The following HPSE2 variants were observed in gnomAD, a reference collection of about 807,000 sequenced individuals.
The protein encoded by HPSE2 is inactive heparanase-2.
A neutral mutation model predicts 60.5 loss-of-function variants in HPSE2; 38 were observed. The observed-to-expected ratio is 0.63, with a 90% CI of 0.48 to 0.82. The LOEUF (loss-of-function observed/expected upper bound fraction) is 0.82, where lower values mean the gene tolerates loss of function less well. Ranked by LOEUF, HPSE2 falls within the 40% of genes least tolerant of loss-of-function variation. The pLI is 0.00. For missense variants in HPSE2, 713 were observed against 740.4 expected, an observed-to-expected ratio of 0.96 and a Z score of 0.43; for synonymous variants, 295 against 293.2, an observed-to-expected ratio of 1.01 and a Z score of -0.06.
At chr10:99,025,186 GGT>G (rs756695803) in intron 3 of HPSE2, among the ~76,000 whole-genome samples, 4 of 152,094 alleles carry the variant, frequency 2.6e-5, no homozygotes, top group Non-Finnish European at 4.4e-5. Context: ...ATGAAGTTAA[GGT>G]GTAGAGTTTT....
At chr10:98,987,074 G>A (rs980612469) in intron 3 of HPSE2, among the ~76,000 whole-genome samples, 16 of 151,844 alleles carry the variant, frequency 1.1e-4, no homozygotes, top group East Asian at 1.9e-4. Context: ...ACAAGGAGGA[G>A]CTGGTACCAT....
intron 4 of HPSE2, among the ~76,000 whole-genome samples, chr10:98,729,208 A>C (rs1472131182): frequency 6.6e-6 from 1 of 152,220 alleles, no homozygotes; most frequent in Non-Finnish European, 1.5e-5. Flanking sequence ...TAAATACTCC[A>C]ATTAAAAGCA....
intron 2 of HPSE2, among the ~76,000 whole-genome samples, chr10:99,216,499 T>C (rs1849134831): frequency 6.6e-6 from 1 of 151,976 alleles, no homozygotes; most frequent in Non-Finnish European, 1.5e-5. Context: ...CGGCCTAACC[T>C]AGACTCTTAT....
intron 3 of HPSE2, among the ~76,000 whole-genome samples, chr10:98,781,120 T>G (rs1198321011): frequency 6.6e-6 from 1 of 152,034 alleles, no homozygotes; most frequent in East Asian, 1.9e-4. Flanking sequence ...ATATCAGACT[T>G]ATTCTGAACA....
chr10:98,765,116 A>G (rs1950091817), intron 3 of HPSE2, among the ~76,000 whole-genome samples: 1 of 152,220 alleles, frequency 6.6e-6, no homozygotes, highest in Admixed American at 6.5e-5. Context: ...CTCAGTAATC[A>G]ATAGAACAAG....
At chr10:98,677,675 GC>G (rs927445437) in intron 6 of HPSE2, among the ~76,000 whole-genome samples, 1 of 152,118 alleles carries the variant, frequency 6.6e-6, no homozygotes. Context: ...TTCTGACCAG[GC>G]CTATTTGACT....
Position 98,588,420 on chromosome 10 carries a change from T to G in HPSE2, c.1320+26484A>C, listed in dbSNP as rs558482823. 2.6e-5 allele frequency among the ~76,000 whole-genome samples: 4 copies of G among 152,178 alleles called. No individual in the cohort carries two copies. The East Asian group carries it at 7.7e-4, about 29-fold the overall frequency. The stretch of plus-strand genomic sequence containing the variant: ...GAGCTGCGGGGAGACTTTACCAACC[T>G]AGGGCAGCTACAGTGGCACAGAAAC... On this transcript the variant is annotated intron_variant, in intron 9 of 11. Transcript: ENST00000370552.
At chr10:98,662,851 C>T (rs1055272357) in intron 6 of HPSE2, among the ~76,000 whole-genome samples, 14 of 151,996 alleles carry the variant, frequency 9.2e-5, no homozygotes, top group African/African-American at 3.4e-4. Flanking sequence ...CAGTATAGCT[C>T]AAAAAATACT....
intron 7 of HPSE2, among the ~76,000 whole-genome samples, chr10:98,636,058 T>A (rs1406140026): frequency 2.0e-5 from 3 of 152,094 alleles, no homozygotes; most frequent in Non-Finnish European, 2.9e-5. Context: ...AAGAGGCTGG[T>A]GAACAAATCC....
chr10:98,896,111 A>C (rs988249598), intron 3 of HPSE2, among the ~76,000 whole-genome samples: 2 of 151,948 alleles, frequency 1.3e-5, no homozygotes, highest in Admixed American at 6.6e-5. Flanking sequence ...GAAAAAAAAA[A>C]CCTCATCTAT....
intron 2 of HPSE2, among the ~76,000 whole-genome samples, chr10:99,187,327 G>T (rs1848065340): frequency 6.6e-6 from 1 of 152,014 alleles, no homozygotes; most frequent in Admixed American, 6.6e-5. Context: ...TTTGAAAGAA[G>T]ACTGGTTATT....
At chr10:98,965,462 A>G (rs557400810) in intron 3 of HPSE2, among the ~76,000 whole-genome samples, 6 of 151,948 alleles carry the variant, frequency 3.9e-5, no homozygotes, top group Non-Finnish European at 8.8e-5. Context: ...ACTGACATGC[A>G]TGACACATGG....
At chr10:99,286,693 A>G in the HPSE2 span, among the ~76,000 whole-genome samples, 5 of 152,208 alleles carry the variant, frequency 3.3e-5, no homozygotes, top group African/African-American at 7.2e-5. Flanking sequence ...TCTGTTATGT[A>G]TATTTCATCA....
At chr10:98,589,278 G>A (rs982820826) in intron 9 of HPSE2, among the ~76,000 whole-genome samples, 1 of 152,232 alleles carries the variant, frequency 6.6e-6, no homozygotes, top group Non-Finnish European at 1.5e-5. Context: ...ACTGTTGTCT[G>A]TGAGGTGCAT....
the HPSE2 span, among the ~76,000 whole-genome samples, chr10:99,304,141 T>A: frequency 6.6e-6 from 1 of 152,064 alleles, no homozygotes; most frequent in African/African-American, 2.4e-5. Context: ...GCTCCAGAGG[T>A]GAGACTTAGA....
chr10:98,914,390 G>A (rs1954061971), intron 3 of HPSE2, among the ~76,000 whole-genome samples: 1 of 151,968 alleles, frequency 6.6e-6, no homozygotes, highest in South Asian at 2.1e-4. Context: ...TTTATTAGCA[G>A]TGTGAAAATG....
At chr10:98,617,466 G>T (rs1945944231) in intron 8 of HPSE2, among the ~76,000 whole-genome samples, 1 of 152,126 alleles carries the variant, frequency 6.6e-6, no homozygotes, top group Admixed American at 6.5e-5. Context: ...TGTATAGGAA[G>T]ATATTTAAGA....
intron 3 of HPSE2, among the ~76,000 whole-genome samples, chr10:98,805,108 A>G (rs1197053004): frequency 6.6e-6 from 1 of 152,104 alleles, no homozygotes; most frequent in African/African-American, 2.4e-5. Context: ...TGGAGATAAG[A>G]GAGTAGAAGG....
intron 3 of HPSE2, among the ~76,000 whole-genome samples, chr10:98,996,165 A>G (rs2862502): frequency 0.49 from 74,065 of 152,052 alleles, 20,248 homozygotes; most frequent in East Asian, 0.62. Flanking sequence ...ATTATAATTT[A>G]TTTTGACCAA....
Sources: allele counts gnomAD v4.1 joint callset (sites outside exome capture counted in the v4.1 genomes callset), GRCh38; gene constraint gnomAD v4.1.1; transcripts MANE v1.5; gene names NCBI Gene and HGNC (gene_info 2026-07-23, HGNC 2026-07-21).